The following XXYLT1 variants were observed in gnomAD, a reference collection of about 807,000 sequenced individuals.
XXYLT1 encodes the protein UDP-xylose:alpha-xyloside alpha-1,3-xylosyltransferase.
Under a neutral mutation model 28.9 loss-of-function variants are expected in XXYLT1, and 20 were observed. The ratio of observed to expected loss-of-function variants is 0.69; its 90% CI spans 0.49 to 1.00. The LOEUF is 1.00. XXYLT1 is among the 50% of genes least tolerant of loss of function. XXYLT1 has a pLI of 0.00. For synonymous variants in XXYLT1, 257 were observed against 253.8 expected (o/e 1.01, Z -0.12); for missense variants, 542 against 560.1 (o/e 0.97, Z 0.33).
chr3:195,173,578 A>C lies in XXYLT1; in HGVS notation c.653-16997T>G, dbSNP rs1371312754. Among the ~76,000 whole-genome samples, 1 of 152,006 alleles carries C rather than the reference A, an allele frequency of 6.6e-6. No homozygotes were observed. Among genetic ancestry groups the C allele is most frequent in the Non-Finnish European group, 1.5e-5 (1 of 68,002 alleles). On this transcript the variant is annotated intron_variant, in intron 2 of 3. Transcript: ENST00000310380. This position sits in a 1 kb window ranked among gnomAD's most constrained non-coding sequence, Gnocchi z 4.3. ...AAAAGCATCATTTTAAAGACCTTTC[A>C]TTTTCCTTTCTGGTTTTCAAATGGC...
rs1184338162 is a variant in XXYLT1, at chr3:195,195,522, ACT to A, written c.652+31185_652+31186del. Among the ~76,000 whole-genome samples the A allele has an allele frequency of 4.0e-5, 6 of 151,044 alleles. No homozygotes were observed. The highest frequency in any genetic ancestry group is 8.9e-5 in the Non-Finnish European group (6 of 67,768). On this transcript the variant is annotated intron_variant, in intron 2 of 3. Coordinates refer to ENST00000310380, the MANE Select transcript of XXYLT1 (RefSeq NM_152531.5). The surrounding 1 kb of genome is among the most constrained non-coding windows in gnomAD (Gnocchi z 4.4). The stretch of plus-strand genomic sequence containing the variant: ...CTTTCAGCTTTAAAAAAATAAAAGG[ACT>A]CTCTTTTCTGTGTGTTCCTTTGTTC...
At chr3:195,117,285 A>G (rs116449083) in intron 3 of XXYLT1, among the ~76,000 whole-genome samples, 2,301 of 152,300 alleles carry the variant, frequency 0.015, 38 homozygotes, top group African/African-American at 0.053. Flanking sequence ...TGAAAAAACT[A>G]GAGATAAAAT....
At position 195,195,627 on chromosome 3, in the gene XXYLT1, T is replaced by G. The variant is rs184568286; in HGVS notation, c.652+31082A>C. Among the ~76,000 whole-genome samples the G allele has an allele frequency of 2.2e-4, 33 of 152,340 alleles. 1 individual carries two copies. Among genetic ancestry groups the G allele is most frequent in the Admixed American group, 1.7e-3 (26 of 15,308 alleles). On this transcript the variant is annotated intron_variant, in intron 2 of 3. Transcript: ENST00000310380. The surrounding 1 kb of genome is among the most constrained non-coding windows in gnomAD (Gnocchi z 4.4). ...AAAGAGATTCATGAATGAAAAGCTT[T>G]TGTGCCCTGGTCCCTTCACTCTGGC...
chr3:195,083,684 GGTCA>G (rs1371372063), intron 3 of XXYLT1, among the ~76,000 whole-genome samples: 1 of 152,104 alleles, frequency 6.6e-6, no homozygotes, highest in African/African-American at 2.4e-5. Flanking sequence ...AACTACCTAC[GGTCA>G]GTATTATTTC....
intron 2 of XXYLT1, among the ~76,000 whole-genome samples, chr3:195,187,867 T>A (rs931424013): frequency 8.5e-5 from 13 of 152,194 alleles, no homozygotes; most frequent in Non-Finnish European, 1.9e-4. Flanking sequence ...CTCCCTTTCT[T>A]CCTAAACACT....
intron 3 of XXYLT1, chr3:195,087,214 G>A (rs1290174413): frequency 6.6e-6 from 1 of 152,384 alleles, no homozygotes; most frequent in Admixed American, 6.5e-5. Flanking sequence ...GCCCTTGCCA[G>A]GCTGCGTGTG....
rs531064771 is a variant in XXYLT1, at chr3:195,169,065, T to C, written c.653-12484A>G. ...GTCCCCTAGGCTTAGCAGGGTCTGA[T>C]TGTGGGGGTCTTTTGGGCGAATGCA... On this transcript the variant is annotated intron_variant, in intron 2 of 3. Coordinates refer to ENST00000310380, the MANE Select transcript of XXYLT1 (RefSeq NM_152531.5). 2.6e-5 allele frequency among the ~76,000 whole-genome samples: 4 copies of C among 152,262 alleles called. No homozygotes were observed. The East Asian group carries it at 7.7e-4, about 29-fold the overall frequency.
At chr3:195,269,756 T>C (rs1031052762) in intron 1 of XXYLT1, among the ~76,000 whole-genome samples, 12 of 152,190 alleles carry the variant, frequency 7.9e-5, no homozygotes, top group Non-Finnish European at 1.2e-4. Context: ...ATCCCCTCTG[T>C]ACAACTATTA....
At chr3:195,215,817 C>A (rs1302351720) in intron 2 of XXYLT1, among the ~76,000 whole-genome samples, 3 of 152,096 alleles carry the variant, frequency 2.0e-5, no homozygotes, top group African/African-American at 4.8e-5. Flanking sequence ...CTGCACCAAG[C>A]GGACCTAATA....
chr3:195,080,390 C>T (rs1311426107), intron 3 of XXYLT1, among the ~76,000 whole-genome samples: 1 of 152,154 alleles, frequency 6.6e-6, no homozygotes, highest in African/African-American at 2.4e-5. Context: ...TCACAGGGAG[C>T]AGTTCAATTC....
chr3:195,268,974 G>A (rs1406168587), intron 1 of XXYLT1, among the ~76,000 whole-genome samples: 1 of 152,194 alleles, frequency 6.6e-6, no homozygotes, highest in Non-Finnish European at 1.5e-5. Context: ...AAGAAGGGAC[G>A]CTTCCTTGGC....
intron 1 of XXYLT1, among the ~76,000 whole-genome samples, chr3:195,253,792 C>T (rs1725370343): frequency 6.6e-6 from 1 of 152,194 alleles, no homozygotes; most frequent in South Asian, 2.1e-4. Context: ...AGCCACCGCG[C>T]CCGGCCTGTT....
At chr3:195,234,208 C>A (rs1424675574) in intron 1 of XXYLT1, among the ~76,000 whole-genome samples, 1 of 150,922 alleles carries the variant, frequency 6.6e-6, no homozygotes, top group Non-Finnish European at 1.5e-5. Context: ...TGAGCCACTG[C>A]GTCTGGCCAG....
chr3:195,141,585 G>A lies in XXYLT1; in HGVS notation c.785+14864C>T, dbSNP rs78084403. ...GCCAGCCACCTCTCTCAGGTGGCAAGTTTATGCCAAAATGAGGCCACACTC... is the reference window on the plus strand; with the variant it reads ...GCCAGCCACCTCTCTCAGGTGGCAAATTTATGCCAAAATGAGGCCACACTC... On this transcript the variant is annotated intron_variant, in intron 3 of 3. Transcript: ENST00000310380. 8.7e-3 allele frequency among the ~76,000 whole-genome samples: 1,320 copies of A among 152,310 alleles called. 18 individuals are homozygous for A. The highest frequency in any genetic ancestry group is 0.03 in the African/African-American group (1,245 of 41,556).
intron 2 of XXYLT1, among the ~76,000 whole-genome samples, chr3:195,201,939 G>A (rs1187708981): frequency 2.0e-5 from 3 of 152,180 alleles, no homozygotes; most frequent in Non-Finnish European, 4.4e-5. Flanking sequence ...AGCACTTTGG[G>A]AGGCCAAGGT....
chr3:195,148,445 AT>A (rs34143584), intron 3 of XXYLT1, among the ~76,000 whole-genome samples: 36,429 of 148,984 alleles, frequency 0.24, 5,003 homozygotes, highest in East Asian at 0.57. Context: ...ATCTTGGTTA[AT>A]TTTTTTTTTT....
At chr3:195,108,607 T>C (rs1007010350) in intron 3 of XXYLT1, among the ~76,000 whole-genome samples, 13 of 152,242 alleles carry the variant, frequency 8.5e-5, no homozygotes, top group Non-Finnish European at 1.8e-4. Flanking sequence ...CTAGATGGTA[T>C]TGCCCACCAC....
chr3:195,079,004 C>T (rs1015149317), intron 3 of XXYLT1, among the ~76,000 whole-genome samples: 2 of 152,208 alleles, frequency 1.3e-5, no homozygotes, highest in East Asian at 1.9e-4. Flanking sequence ...CTGGCGGCAA[C>T]GTCCTGACCC....
At chr3:195,148,191 T>C (rs978982740) in intron 3 of XXYLT1, 1 of 152,246 alleles carries the variant, frequency 6.6e-6, no homozygotes, top group Non-Finnish European at 1.5e-5. Context: ...TTTCCACTGA[T>C]GTTATTTAAA....
Sources: gnomAD v4.1 joint callset for allele counts (sites outside exome capture counted in the v4.1 genomes callset) on GRCh38, gnomAD v4.1.1 for gene constraint, Gnocchi (gnomAD v3.1) non-coding constraint, MANE v1.5 for transcripts, NCBI Gene and HGNC (gene_info 2026-07-23, HGNC 2026-07-21) for gene names.